Variants in GTF3C2 observed in about 807,000 individuals in gnomAD.
GTF3C2 encodes general transcription factor 3C polypeptide 2.
In GTF3C2, 17 loss-of-function variants were observed where a neutral mutation model predicts 117.4. The ratio of observed to expected loss-of-function variants is 0.14; its 90% confidence interval spans 0.10 to 0.22. The LOEUF (loss-of-function observed/expected upper bound fraction) is 0.22. Ranked by LOEUF, GTF3C2 falls within the 10% of genes least tolerant of loss-of-function variation. GTF3C2 has a pLI of 1.00. For synonymous variants in GTF3C2, 437 were observed against 427.0 expected (o/e 1.02, Z -0.29); for missense variants, 888 against 1,143.6 (o/e 0.78, Z 3.22).
chr2:27,326,990 C>A (rs1224649636), intron 18 of GTF3C2, 97 bp from the exon 19 acceptor site: 2 of 786,466 alleles, frequency 2.5e-6, no homozygotes, highest in South Asian at 1.7e-5. Context: ...GAGCCACAAT[C>A]TGAAAGGACA....
At chr2:27,338,264 C>T (rs536442967) in intron 4 of GTF3C2, 1 of 482,418 alleles carries the variant, frequency 2.1e-6, no homozygotes, top group East Asian at 3.9e-5. Context: ...TCAACATCTC[C>T]ATGGTATTTG....
chr2:27,327,651 C>T (rs1200037402), intron 17 of GTF3C2, among the ~76,000 whole-genome samples: 4 of 110,114 alleles, frequency 3.6e-5, no homozygotes, highest in East Asian at 2.7e-4. Context: ...TTTTTTGAGA[C>T]GGAGTCTTGC....
rs1322952115 is a variant in GTF3C2 at position 27,326,889 on chromosome 2, C to T, written c.2522G>A (p.Arg841His). The change falls in exon 19 of 19, where the codon CGT becomes CAT. Residue 841 changes from arginine (R) to histidine (H), a missense_variant. Arg to His is a conservative substitution (Grantham distance 29, BLOSUM62 0). Transcript: ENST00000264720. ...ATAGGAGTCCAGGTTTGGGCTGAAA[C>T]GTACCTGTGAAGAGAACAGAAAACA... The T allele has an allele frequency of 2.4e-5, 38 of 1,603,776 alleles. No homozygotes were observed. The highest frequency in any genetic ancestry group is 3.2e-5 in the Non-Finnish European group (38 of 1,171,122).
Position 27,326,811 on chromosome 2 carries a change from C to T in GTF3C2, c.2600G>A (p.Arg867His), listed in dbSNP as rs766970414. ...GTGGCCCAGTGGGGAGGCGAGTCCA[C>T]GGACAAAATGGATTCGAACCAGCCC... Residue 867 changes from arginine (R) to histidine (H), a missense_variant, in exon 19 of 19, where the codon CGT becomes CAT. Transcript: ENST00000264720. 15 of 1,613,548 alleles carry T rather than the reference C, an allele frequency of 9.3e-6. No individual in the cohort carries two copies. The highest frequency in any genetic ancestry group is 2.2e-5 in the East Asian group (1 of 44,876).
chr2:27,355,954 T>C, intron 1 of GTF3C2: 3 of 528,842 alleles, frequency 5.7e-6, no homozygotes, highest in South Asian at 4.8e-5. Context: ...CATTTAAACT[T>C]TTTAAGTAAG....
At chr2:27,352,139 ATTCC>A (rs1263463817) in intron 1 of GTF3C2, among the ~76,000 whole-genome samples, 2 of 151,954 alleles carry the variant, frequency 1.3e-5, no homozygotes, top group East Asian at 3.9e-4. Context: ...TCTAGTTTAG[ATTCC>A]TTCATTTCAA....
chr2:27,345,872 C>A (rs1572580025), intron 1 of GTF3C2, among the ~76,000 whole-genome samples: 1 of 151,630 alleles, frequency 6.6e-6, no homozygotes, highest in Admixed American at 6.6e-5. Flanking sequence ...CGCCACCACA[C>A]CCAGCTAAAT....
chr2:27,335,582 T>C lies in GTF3C2; in HGVS notation c.1576+16A>G. On this transcript the variant is annotated intron_variant, in intron 10 of 18. Transcript: ENST00000264720. ...CACCACTACAGCAGCCCCATTCTCC[T>C]TGCTGTGCTACTCACCTGGGGGTTG... is the stretch of plus-strand genomic sequence containing the variant. 1.4e-6 allele frequency: 2 copies of C among 1,404,018 alleles called. No homozygotes were observed. Among genetic ancestry groups the C allele is most frequent in the Non-Finnish European group, 2.0e-6 (2 of 1,012,112 alleles). 87.0% of individuals were successfully genotyped at this position (1,404,018 alleles called of 1,614,324 possible). A position where few individuals can be genotyped will look rare whatever the true frequency, so the allele number is the denominator to read the frequency against.
chr2:27,353,102 T>C (rs185237173), intron 1 of GTF3C2, among the ~76,000 whole-genome samples: 38 of 152,274 alleles, frequency 2.5e-4, no homozygotes, highest in Admixed American at 5.9e-4. Context: ...ACTATAAAGA[T>C]AGCAACAAAA....
At chr2:27,328,397 T>C in intron 16 of GTF3C2, 71 bp downstream of exon 16, 4 of 1,520,594 alleles carry the variant, frequency 2.6e-6, no homozygotes, top group African/African-American at 1.4e-5. Context: ...CACTAGTTTG[T>C]ACTCTACCAG....
exon 7 of GTF3C2, chr2:27,337,295 G>C (rs1572571258): frequency 6.2e-7 from 1 of 1,613,650 alleles, no homozygotes. Context: ...ACGTTGTACA[G>C]AAAACAATGG....
At chr2:27,342,838 C>T (rs139548233) in exon 3 of GTF3C2, 24 of 1,613,254 alleles carry the variant, frequency 1.5e-5, no homozygotes, top group Non-Finnish European at 1.9e-5. Flanking sequence ...TTGGGCAGCC[C>T]TTCGGCGGGG....
intron 3 of GTF3C2, chr2:27,342,479 C>T (rs1004941697): frequency 1.3e-5 from 7 of 550,372 alleles, no homozygotes; most frequent in East Asian, 8.8e-5. Flanking sequence ...AAGTTCAATA[C>T]ATTTTTCATC....
chr2:27,328,070 G>A, exon 17 of GTF3C2: 1 of 1,611,070 alleles, frequency 6.2e-7, no homozygotes, highest in Non-Finnish European at 8.5e-7. Context: ...AGTAGTGATG[G>A]TTGACAGTTT....
intron 1 of GTF3C2, chr2:27,356,185 G>A (rs1287599036): frequency 1.1e-5 from 10 of 908,742 alleles, no homozygotes; most frequent in Non-Finnish European, 1.2e-5. Flanking sequence ...GGGACAAAAG[G>A]ACTAGACAGG....
intron 15 of GTF3C2, 87 bp downstream of exon 15, chr2:27,328,757 C>T: frequency 8.9e-7 from 1 of 1,119,148 alleles, no homozygotes; most frequent in Non-Finnish European, 1.3e-6. Context: ...TCTCCTTCTA[C>T]CCAAAACTAC....
intron 1 of GTF3C2, among the ~76,000 whole-genome samples, chr2:27,348,357 T>C (rs1271657470): frequency 1.3e-5 from 2 of 151,362 alleles, no homozygotes; most frequent in South Asian, 2.1e-4. Flanking sequence ...AGAAGATCAC[T>C]TGAGCCTGGG....
rs189416002 is a variant in GTF3C2, at chr2:27,341,887, C to A, written c.855+61G>T. 122 of 1,394,484 alleles carry A rather than the reference C, an allele frequency of 8.7e-5. No homozygotes were observed. The East Asian group carries it at 2.4e-3, about 27-fold the overall frequency. The allele number at this position is 1,394,484 out of a possible 1,614,324, so 86.4% of individuals were successfully genotyped here. A position where few individuals can be genotyped will look rare whatever the true frequency, so the allele number is the denominator to read the frequency against. The stretch of plus-strand genomic sequence containing the variant: ...CAAAGCTGTCCTTCCTTTCTCAGTA[C>A]CTTGCTGGTCCCCTAAAATCCTACT... On this transcript the variant is annotated intron_variant, in intron 4 of 18. Transcript: ENST00000264720.
At position 27,329,083 on chromosome 2, in the gene GTF3C2, G is replaced by C; in HGVS notation, c.2039+38C>G. 2 of 1,608,168 alleles carry C rather than the reference G, an allele frequency of 1.2e-6. No individual in the cohort carries two copies. Among genetic ancestry groups the C allele is most frequent in the Non-Finnish European group, 1.7e-6 (2 of 1,175,050 alleles). Reference sequence around the variant, plus strand: ...GCATGCTTTGCATTCCAACCCTTAGGGCCTGTCCCTAGAGGTCCTATCTCC... The same window carrying C: ...GCATGCTTTGCATTCCAACCCTTAGCGCCTGTCCCTAGAGGTCCTATCTCC... On this transcript the variant is annotated intron_variant, in intron 14 of 18. Coordinates refer to ENST00000264720, the Ensembl canonical transcript of GTF3C2. This position sits in a 1 kb window ranked among gnomAD's most constrained non-coding sequence, Gnocchi z 4.5.
Sources: allele counts gnomAD v4.1 joint callset (sites outside exome capture counted in the v4.1 genomes callset), GRCh38; gene constraint gnomAD v4.1.1; non-coding constraint Gnocchi (gnomAD v3.1); transcripts MANE v1.5; gene names NCBI Gene and HGNC (gene_info 2026-07-23, HGNC 2026-07-21).